The following EBF2 variants were observed in gnomAD, a reference collection of about 807,000 sequenced individuals.
EBF2 encodes EBF transcription factor 2, also known as transcription factor COE2.
Under a neutral mutation model 72.8 loss-of-function variants are expected in EBF2, and 21 were observed. The ratio of observed to expected loss-of-function variants is 0.29; its 90% CI spans 0.20 to 0.42. The LOEUF is 0.42. Among genes scored for constraint, EBF2 ranks in the 10% least tolerant of loss-of-function variants. EBF2 has a pLI of 1.00. For synonymous variants in EBF2, 299 were observed against 274.2 expected, an observed-to-expected ratio of 1.09 and a Z score of -0.89; for missense variants, 637 against 731.2, an observed-to-expected ratio of 0.87 and a Z score of 1.49.
intron 6 of EBF2, among the ~76,000 whole-genome samples, chr8:25,968,164 G>C (rs12541364): frequency 6.6e-6 from 1 of 151,944 alleles, no homozygotes; most frequent in Non-Finnish European, 1.5e-5. Context: ...AATCATGATC[G>C]AGCAATTCCA....
intron 6 of EBF2, among the ~76,000 whole-genome samples, chr8:26,024,288 C>T (rs1805262410): frequency 6.6e-6 from 1 of 152,066 alleles, no homozygotes; most frequent in Non-Finnish European, 1.5e-5. Flanking sequence ...AGTGCTTATC[C>T]TTTTATCTCT....
intron 7 of EBF2, among the ~76,000 whole-genome samples, chr8:25,898,875 G>A (rs1374448827): frequency 2.0e-5 from 3 of 152,120 alleles, no homozygotes; most frequent in African/African-American, 7.2e-5. Context: ...TTCTGCATTC[G>A]ATAGTCCTGG....
chr8:26,017,681 G>A (rs1805133907), intron 6 of EBF2, among the ~76,000 whole-genome samples: 2 of 152,134 alleles, frequency 1.3e-5, no homozygotes, highest in South Asian at 2.1e-4. Context: ...CTCCAGCAAG[G>A]CCACTGCAAG....
chr8:25,903,136 C>T (rs1195380025), intron 7 of EBF2, among the ~76,000 whole-genome samples: 1 of 150,988 alleles, frequency 6.6e-6, no homozygotes, highest in East Asian at 1.9e-4. Context: ...GCATACAATG[C>T]ACAGTAATCA....
intron 7 of EBF2, among the ~76,000 whole-genome samples, chr8:25,895,763 C>T (rs1802855334): frequency 6.6e-6 from 1 of 152,210 alleles, no homozygotes; most frequent in Admixed American, 6.5e-5. Context: ...CGTTAATCTG[C>T]CTGAACAGCT....
intron 6 of EBF2, among the ~76,000 whole-genome samples, chr8:25,979,860 C>A (rs1269319479): frequency 6.6e-6 from 1 of 152,150 alleles, no homozygotes; most frequent in Non-Finnish European, 1.5e-5. Context: ...AATAGAGACC[C>A]TGTTTAAATC....
chr8:25,899,644 A>AG (rs1234399179), intron 7 of EBF2, among the ~76,000 whole-genome samples: 1 of 152,228 alleles, frequency 6.6e-6, no homozygotes, highest in Non-Finnish European at 1.5e-5. Flanking sequence ...AAAAATCATA[A>AG]GGGGTTGCTG....
chr8:25,897,756 C>A (rs1382223808), intron 7 of EBF2, among the ~76,000 whole-genome samples: 1 of 152,188 alleles, frequency 6.6e-6, no homozygotes, highest in Non-Finnish European at 1.5e-5. Flanking sequence ...TTTATCTGAT[C>A]CACCATTGAT....
rs1802750235 is a variant in EBF2 at position 25,889,885 on chromosome 8, A to T, written c.634-16T>A. ...ACAACACAACCTGCATATTTAAAGT[A>T]AAAAGGAGAAAGGGGGTGCAGTGGA... is the stretch of plus-strand genomic sequence containing the variant. On this transcript the variant is annotated splice_polypyrimidine_tract_variant and intron_variant, in intron 7 of 15. Coordinates refer to ENST00000520164, the MANE Select transcript of EBF2 (RefSeq NM_022659.4). 2 of 1,606,574 alleles carry T rather than the reference A, an allele frequency of 1.2e-6. No homozygotes were observed. Among genetic ancestry groups the T allele is most frequent in the African/African-American group, 2.7e-5 (2 of 74,752 alleles).
At chr8:25,976,181 A>AATTAAAAGCG (rs1480612959) in intron 6 of EBF2, among the ~76,000 whole-genome samples, 3 of 152,246 alleles carry the variant, frequency 2.0e-5, no homozygotes, top group African/African-American at 4.8e-5. Context: ...GATGAATTAA[A>AATTAAAAGCG]ATGTCTTCAT....
At chr8:25,919,302 T>C (rs1041368426) in intron 6 of EBF2, among the ~76,000 whole-genome samples, 2 of 152,112 alleles carry the variant, frequency 1.3e-5, no homozygotes, top group African/African-American at 4.8e-5. Flanking sequence ...GGAAGCTTAG[T>C]GGTCATGCAA....
At position 25,943,511 on chromosome 8, in the gene EBF2, C is replaced by CA. The variant is rs372084149; in HGVS notation, c.552-34957dup. On this transcript the variant is annotated intron_variant, in intron 6 of 15. Transcript: ENST00000520164. ...GACAACAGAGCTAGACCCTGTCTCT[C>CA]AAAAAAAAATTTTTTTAAATAAATG... Among the ~76,000 whole-genome samples the CA allele has an allele frequency of 3.0e-4, 45 of 151,308 alleles. 1 individual carries two copies. Among genetic ancestry groups the CA allele is most frequent in the Non-Finnish European group, 5.0e-4 (34 of 67,796 alleles).
intron 7 of EBF2, among the ~76,000 whole-genome samples, chr8:25,897,213 CTT>C (rs927617811): frequency 1.5e-4 from 21 of 142,288 alleles, no homozygotes; most frequent in African/African-American, 5.7e-4. Flanking sequence ...GTGCTCTTTT[CTT>C]TTTTTTTAAA....
chr8:26,038,162 C>T (rs1360373636), intron 5 of EBF2, among the ~76,000 whole-genome samples: 1 of 152,218 alleles, frequency 6.6e-6, no homozygotes, highest in African/African-American at 2.4e-5. Flanking sequence ...CATTACCCAT[C>T]TCATCTGCAC....
intron 6 of EBF2, among the ~76,000 whole-genome samples, chr8:25,923,173 A>G: frequency 6.6e-6 from 1 of 152,164 alleles, no homozygotes; most frequent in South Asian, 2.1e-4. Context: ...CGCTGGGAGA[A>G]AGGCCACTCT....
chr8:25,970,270 C>G (rs1352992715), intron 6 of EBF2, among the ~76,000 whole-genome samples: 2 of 152,122 alleles, frequency 1.3e-5, no homozygotes, highest in Non-Finnish European at 2.9e-5. Context: ...GGTACCAAAG[C>G]GTAAGTGAAA....
At chr8:25,991,266 G>A (rs183979027) in intron 6 of EBF2, among the ~76,000 whole-genome samples, 74 of 152,306 alleles carry the variant, frequency 4.9e-4, no homozygotes, top group African/African-American at 1.7e-3. Context: ...ATGAAGGCAC[G>A]TAGGTGGGGG....
At chr8:25,916,576 C>T (rs1803220696) in intron 6 of EBF2, among the ~76,000 whole-genome samples, 1 of 152,046 alleles carries the variant, frequency 6.6e-6, no homozygotes, top group East Asian at 1.9e-4. Context: ...CTGCTTATCT[C>T]TCCAATATTA....
chr8:25,977,627 T>G (rs1804291420), intron 6 of EBF2, among the ~76,000 whole-genome samples: 1 of 152,198 alleles, frequency 6.6e-6, no homozygotes, highest in Non-Finnish European at 1.5e-5. Context: ...AACAAGCTAG[T>G]TATGCCTTTG....
Sources: allele counts gnomAD v4.1 joint callset (sites outside exome capture counted in the v4.1 genomes callset), GRCh38; gene constraint gnomAD v4.1.1; transcripts MANE v1.5; gene names NCBI Gene and HGNC (gene_info 2026-07-23, HGNC 2026-07-21).